PRKCB: variants seen among roughly 807,000 people sequenced by gnomAD.
PRKCB encodes the protein protein kinase C beta type.
In PRKCB, 13 loss-of-function variants were observed where a neutral mutation model predicts 81.5. The observed-to-expected ratio is 0.16, with a 90% CI of 0.10 to 0.25. PRKCB has a LOEUF of 0.25. PRKCB is among the 10% of genes least tolerant of loss of function. PRKCB has a pLI of 1.00. For missense variants in PRKCB, 509 were observed against 875.7 expected (o/e 0.58, Z 5.29); for synonymous variants, 335 against 321.4 (o/e 1.04, Z -0.45).
intron 16 of PRKCB, among the ~76,000 whole-genome samples, chr16:24,200,935 T>C (rs980091864): frequency 2.6e-5 from 4 of 152,130 alleles, no homozygotes; most frequent in African/African-American, 9.7e-5. Context: ...ATTATTATTG[T>C]TATTTTGATA....
At chr16:24,045,675 G>A (rs2141865499) in intron 5 of PRKCB, among the ~76,000 whole-genome samples, 1 of 152,318 alleles carries the variant, frequency 6.6e-6, no homozygotes, top group Non-Finnish European at 1.5e-5. Flanking sequence ...GGGACCAGCT[G>A]CATCCCATCG....
intron 2 of PRKCB, among the ~76,000 whole-genome samples, chr16:23,921,144 A>G (rs896051049): frequency 2.0e-5 from 3 of 152,182 alleles, no homozygotes. Flanking sequence ...ACATGCAGGG[A>G]TTATTACAAT....
intron 3 of PRKCB, among the ~76,000 whole-genome samples, chr16:24,002,444 A>T (rs1203093227): frequency 6.6e-6 from 1 of 151,806 alleles, no homozygotes; most frequent in Non-Finnish European, 1.5e-5. Flanking sequence ...GATACAAGTG[A>T]TTCTCCTGCC....
In PRKCB at chr16:24,152,218, G is replaced by C. The variant is rs189781383; in HGVS notation, c.1066-2466G>C. Among the ~76,000 whole-genome samples the C allele has an allele frequency of 9.2e-5, 14 of 152,228 alleles. No individual in the cohort carries two copies. The East Asian group carries it at 2.5e-3, about 27-fold the overall frequency. ...GAAGGCTAAAGTCACGTCTTACATGGTAGCAGTCAAGAGAGAATGAGAGCT... is the reference window on the plus strand; with the variant it reads ...GAAGGCTAAAGTCACGTCTTACATGCTAGCAGTCAAGAGAGAATGAGAGCT... On this transcript the variant is annotated intron_variant, in intron 9 of 16. Coordinates refer to ENST00000643927, the MANE Select transcript of PRKCB (RefSeq NM_002738.7).
At chr16:23,906,069 T>C (rs1323728941) in intron 2 of PRKCB, among the ~76,000 whole-genome samples, 1 of 152,166 alleles carries the variant, frequency 6.6e-6, no homozygotes, top group Non-Finnish European at 1.5e-5. Context: ...CAAGGATAGG[T>C]GTCGCATTGG....
chr16:24,071,961 T>A (rs915128853), intron 5 of PRKCB, among the ~76,000 whole-genome samples: 1 of 152,078 alleles, frequency 6.6e-6, no homozygotes, highest in Non-Finnish European at 1.5e-5. Context: ...GTTATTATTA[T>A]CATGAGGGTG....
At chr16:24,124,078 A>G (rs1480988578) in intron 9 of PRKCB, 97 bp downstream of exon 9, 6 of 1,391,146 alleles carry the variant, frequency 4.3e-6, no homozygotes, top group Non-Finnish European at 6.0e-6. Context: ...CTAGTGGGAG[A>G]GAGAGTAAGA....
chr16:23,892,944 CT>C (rs71154255), intron 2 of PRKCB: 76,063 of 145,022 alleles, frequency 0.52, 19,765 homozygotes, highest in East Asian at 0.64. Context: ...CAATCAGCAT[CT>C]TTTTTTTTTT....
At chr16:24,144,299 T>C (rs1966955370) in intron 9 of PRKCB, among the ~76,000 whole-genome samples, 1 of 152,198 alleles carries the variant, frequency 6.6e-6, no homozygotes, top group African/African-American at 2.4e-5. Context: ...TACTATATTC[T>C]TTTTTTCTTT....
intron 2 of PRKCB, among the ~76,000 whole-genome samples, chr16:23,842,745 A>C (rs1335513168): frequency 6.6e-6 from 1 of 152,214 alleles, no homozygotes; most frequent in Admixed American, 6.5e-5. Context: ...ATTCTTAAAA[A>C]ACCCCAAAGT....
intron 9 of PRKCB, among the ~76,000 whole-genome samples, chr16:24,137,768 C>A (rs1234306623): frequency 6.6e-6 from 1 of 152,176 alleles, no homozygotes; most frequent in Non-Finnish European, 1.5e-5. Flanking sequence ...TTCTATAATA[C>A]AACAAACATA....
At chr16:23,877,652 T>C (rs1432135369) in intron 2 of PRKCB, among the ~76,000 whole-genome samples, 1 of 152,206 alleles carries the variant, frequency 6.6e-6, no homozygotes, top group East Asian at 1.9e-4. Flanking sequence ...AAGTTAGTTG[T>C]TCTGTGTGAG....
intron 16 of PRKCB, 167 bp downstream of exon 16, chr16:24,191,397 C>A: frequency 1.6e-4 from 100 of 630,048 alleles, no homozygotes; most frequent in Middle Eastern, 3.5e-4. Context: ...CTAAGATGGA[C>A]ATTTTCCATT....
intron 9 of PRKCB, among the ~76,000 whole-genome samples, chr16:24,128,244 A>G (rs777414539): frequency 3.3e-5 from 5 of 152,116 alleles, no homozygotes; most frequent in African/African-American, 4.8e-5. Flanking sequence ...GCATGGTGGC[A>G]GGCGCCTGTA....
At position 24,202,836 on chromosome 16, in the gene PRKCB, T is replaced by C. The variant is rs73550418; in HGVS notation, c.1863+11606T>C. ...GTTTATCTGTAGGAAAAGTTCAGAGTGCCTTCTTTCTTTTTAAGCCCCTCT... is the reference window on the plus strand; with the variant it reads ...GTTTATCTGTAGGAAAAGTTCAGAGCGCCTTCTTTCTTTTTAAGCCCCTCT... On this transcript the variant is annotated intron_variant, in intron 16 of 16. Coordinates refer to ENST00000643927, the MANE Select transcript of PRKCB (RefSeq NM_002738.7). 9.2e-3 allele frequency among the ~76,000 whole-genome samples: 1,406 copies of C among 152,280 alleles called. 27 individuals carry two copies. Among genetic ancestry groups the C allele is most frequent in the African/African-American group, 0.032 (1,341 of 41,552 alleles).
In PRKCB at chr16:23,967,856, T is replaced by A. The variant is rs9932975; in HGVS notation, c.206-20652T>A. 5.9e-4 allele frequency among the ~76,000 whole-genome samples: 90 copies of A among 152,334 alleles called. 1 individual carries two copies. Among genetic ancestry groups the A allele is most frequent in the Admixed American group, 1.2e-3 (18 of 15,306 alleles). On this transcript the variant is annotated intron_variant, in intron 2 of 16. Transcript: ENST00000643927. ...TTAGTAGAGACAGGGTTTTGCCTTG[T>A]TGGCCAGGTTGGCCTTGAACTCCTG...
At chr16:23,965,798 T>C (rs959621201) in intron 2 of PRKCB, among the ~76,000 whole-genome samples, 1 of 152,220 alleles carries the variant, frequency 6.6e-6, no homozygotes, top group Non-Finnish European at 1.5e-5. Context: ...AGCCTGACTT[T>C]TGTTCAGCTC....
intron 9 of PRKCB, among the ~76,000 whole-genome samples, chr16:24,146,222 T>A (rs1278838713): frequency 6.6e-6 from 1 of 152,170 alleles, no homozygotes; most frequent in Non-Finnish European, 1.5e-5. Context: ...GATTTGGGAC[T>A]TCCAGCCTCC....
At chr16:23,937,838 G>A (rs547440705) in intron 2 of PRKCB, among the ~76,000 whole-genome samples, 21 of 152,326 alleles carry the variant, frequency 1.4e-4, no homozygotes, top group African/African-American at 4.8e-4. Context: ...GGAAGGGGAG[G>A]CAGTTAACTT....
Sources: allele counts gnomAD v4.1 joint callset (sites outside exome capture counted in the v4.1 genomes callset), GRCh38; gene constraint gnomAD v4.1.1; transcripts MANE v1.5; gene names NCBI Gene and HGNC (gene_info 2026-07-23, HGNC 2026-07-21).